The following PTK2 variants were observed in gnomAD, a reference collection of about 807,000 sequenced individuals.
PTK2 encodes the protein focal adhesion kinase 1.
PTK2 carries 45 observed loss-of-function variants against 150.1 expected under a neutral mutation model. That is an observed-to-expected ratio of 0.30 (90% CI 0.24 to 0.38). The LOEUF (loss-of-function observed/expected upper bound fraction) is 0.38. PTK2 is among the 10% of genes least tolerant of loss of function. The pLI is 1.00. For missense variants in PTK2, 919 were observed against 1,307.3 expected (o/e 0.70, Z 4.58); for synonymous variants, 432 against 449.2 (o/e 0.96, Z 0.48).
intron 17 of PTK2, chr8:140,751,908 C>T: frequency 1.9e-6 from 1 of 536,952 alleles, no homozygotes; most frequent in Non-Finnish European, 3.7e-6. Flanking sequence ...CTCACCTCTG[C>T]ATTCCTGGGG....
At chr8:140,854,892 C>A (rs563552323) in intron 5 of PTK2, among the ~76,000 whole-genome samples, 150 of 152,234 alleles carry the variant, frequency 9.9e-4, no homozygotes, top group African/African-American at 3.5e-3. Context: ...ATTTCCCTCC[C>A]TCTCTTCTTT....
chr8:140,967,747 C>T (rs1020867381), intron 1 of PTK2, among the ~76,000 whole-genome samples: 5 of 152,048 alleles, frequency 3.3e-5, no homozygotes, highest in East Asian at 1.9e-4. Context: ...CGTGAGCCAC[C>T]GCGCCTGGCC....
chr8:140,666,210 T>C (rs4961229), intron 30 of PTK2, among the ~76,000 whole-genome samples: 43,760 of 151,972 alleles, frequency 0.29, 6,663 homozygotes, highest in Admixed American at 0.4. Flanking sequence ...TGGTGGTGCA[T>C]GCCTGTAGTC....
chr8:140,943,883 A>T (rs1362033302), intron 1 of PTK2, among the ~76,000 whole-genome samples: 1 of 152,206 alleles, frequency 6.6e-6, no homozygotes. Flanking sequence ...AATGGATGAA[A>T]TGTCTGTCCA....
At chr8:140,904,589 T>A (rs1038696385) in intron 2 of PTK2, among the ~76,000 whole-genome samples, 1 of 152,240 alleles carries the variant, frequency 6.6e-6, no homozygotes, top group Non-Finnish European at 1.5e-5. Context: ...CTCTTCTTTG[T>A]ACCTCTGGTA....
intron 27 of PTK2, 70 bp from the exon 31 acceptor site, chr8:140,675,569 C>T: frequency 8.6e-7 from 1 of 1,167,942 alleles, no homozygotes; most frequent in Non-Finnish European, 1.3e-6. Context: ...CTCACCCACC[C>T]TGTCTATCCA....
intron 16 of PTK2, among the ~76,000 whole-genome samples, chr8:140,756,049 G>A (rs1231269224): frequency 2.0e-5 from 3 of 152,118 alleles, no homozygotes; most frequent in Admixed American, 6.5e-5. Context: ...AACAGGCCGG[G>A]CATGGTGGCT....
At position 140,735,443 on chromosome 8, in the gene PTK2, C is replaced by T. The variant is rs1198955255; in HGVS notation, c.1838G>A (p.Trp613Ter). The T allele has an allele frequency of 1.2e-6, 2 of 1,614,074 alleles. No individual in the cohort carries two copies. Among genetic ancestry groups the T allele is most frequent in the Non-Finnish European group, 1.7e-6 (2 of 1,179,962 alleles). Reference sequence around the variant, plus strand: ...CTTCACACCATGCATCAGTATCTCCCACATACACACACCTGTCAAGTGGGA... The same window carrying T: ...CTTCACACCATGCATCAGTATCTCCTACATACACACACCTGTCAAGTGGGA... The change falls in exon 22 of 32, where the codon TGG becomes TAG. Residue 613 changes from tryptophan to a stop codon, truncating the protein, a stop_gained. Transcript: ENST00000522684. LOFTEE classifies it high-confidence loss of function.
At chr8:140,887,686 G>A (rs1275858540) in intron 3 of PTK2, among the ~76,000 whole-genome samples, 2 of 151,986 alleles carry the variant, frequency 1.3e-5, no homozygotes, top group Non-Finnish European at 2.9e-5. Flanking sequence ...AAAATTTCTA[G>A]TAGTCACAGT....
intron 22 of PTK2, among the ~76,000 whole-genome samples, chr8:140,728,163 G>C (rs2100047065): frequency 6.7e-6 from 1 of 149,090 alleles, no homozygotes; most frequent in Admixed American, 6.7e-5. Context: ...CTGCGCCACA[G>C]CACACCAGCC....
intron 1 of PTK2, among the ~76,000 whole-genome samples, chr8:140,986,186 A>C (rs758531233): frequency 6.6e-6 from 1 of 152,214 alleles, no homozygotes; most frequent in Non-Finnish European, 1.5e-5. Flanking sequence ...TTGAAATGGG[A>C]CTAGTGTAAC....
At chr8:140,935,858 C>G (rs1051816632) in intron 1 of PTK2, among the ~76,000 whole-genome samples, 13 of 151,752 alleles carry the variant, frequency 8.6e-5, no homozygotes, top group Non-Finnish European at 1.8e-4. Context: ...TTTTAGGAGA[C>G]ACAGGGTTTC....
In PTK2 at chr8:140,669,301, G is replaced by GTATGTATGTATATA. The variant is rs547959878; in HGVS notation, c.2710-878_2710-877insTATATACATACATA. 8.8e-4 allele frequency: 86 copies of GTATGTATGTATATA among 97,990 alleles called. 2 individuals carry two copies. Among genetic ancestry groups the GTATGTATGTATATA allele is most frequent in the African/African-American group, 3.7e-3 (80 of 21,498 alleles). 6.1% of individuals were successfully genotyped at this position (97,990 alleles called of 1,614,324 possible). ...GTTAGAATTACACCAGCATAAAATG[G>GTATGTATGTATATA]TATATATATATATATATATATATAT... is the stretch of plus-strand genomic sequence containing the variant. On this transcript the variant is annotated intron_variant, in intron 29 of 31. Coordinates refer to ENST00000522684, the Ensembl canonical transcript of PTK2.
intron 1 of PTK2, among the ~76,000 whole-genome samples, chr8:140,965,066 G>A (rs1048351288): frequency 1.3e-5 from 2 of 151,978 alleles, no homozygotes; most frequent in African/African-American, 4.8e-5. Flanking sequence ...AAGAGTGTCG[G>A]CCTGGGCATT....
intron 1 of PTK2, among the ~76,000 whole-genome samples, chr8:140,938,955 C>T (rs1016084364): frequency 6.6e-6 from 1 of 151,114 alleles, no homozygotes; most frequent in Admixed American, 6.6e-5. Context: ...CCAGACTGGG[C>T]AATACAGTAA....
chr8:140,804,689 A>G (rs1488279477), intron 10 of PTK2, among the ~76,000 whole-genome samples: 4 of 152,200 alleles, frequency 2.6e-5, no homozygotes, highest in African/African-American at 9.6e-5. Flanking sequence ...TTCCCATTGC[A>G]TGGCGAACAG....
At chr8:140,748,127 G>A (rs1328868409) in intron 17 of PTK2, among the ~76,000 whole-genome samples, 1 of 152,156 alleles carries the variant, frequency 6.6e-6, no homozygotes, top group Non-Finnish European at 1.5e-5. Flanking sequence ...TTCTATCTTA[G>A]ACATAAATGG....
At chr8:140,846,179 A>T in intron 7 of PTK2, 81 bp downstream of exon 7, 4 of 1,147,178 alleles carry the variant, frequency 3.5e-6, no homozygotes, top group Non-Finnish European at 5.0e-6. Flanking sequence ...GCAGTGTTTC[A>T]GAATCAGTAT....
At chr8:140,836,042 C>A (rs2100118481) in intron 7 of PTK2, among the ~76,000 whole-genome samples, 1 of 152,026 alleles carries the variant, frequency 6.6e-6, no homozygotes, top group Non-Finnish European at 1.5e-5. Flanking sequence ...CCACCCACGA[C>A]CCTGAACTGG....
Sources: allele counts gnomAD v4.1 joint callset (sites outside exome capture counted in the v4.1 genomes callset), GRCh38; gene constraint gnomAD v4.1.1; transcripts MANE v1.5; gene names NCBI Gene and HGNC (gene_info 2026-07-23, HGNC 2026-07-21).